The following SYNE2 variants were observed in gnomAD, a reference collection of about 807,000 sequenced individuals.
SYNE2 encodes spectrin repeat containing nuclear envelope protein 2.
In SYNE2, 431 loss-of-function variants were observed where a neutral mutation model predicts 856.3. The observed-to-expected ratio is 0.50, with a 90% CI of 0.47 to 0.55. SYNE2 has a LOEUF of 0.55. Among genes scored for constraint, SYNE2 ranks in the 20% least tolerant of loss-of-function variants. The pLI is 0.00. For missense variants in SYNE2, 8,129 were observed against 8,023.2 expected (o/e 1.01, Z -0.50); for synonymous variants, 2,923 against 2,872.3 (o/e 1.02, Z -0.56).
chr14:64,141,859 C>T, intron 81 of SYNE2, 83 bp from the exon 82 acceptor site: 1 of 1,378,300 alleles, frequency 7.3e-7, no homozygotes, highest in Middle Eastern at 2.0e-4. Context: ...GACCTTTTAT[C>T]AAACCAGATA....
At position 64,161,995 on chromosome 14, in the gene SYNE2, G is replaced by A. The variant is rs1160899181; in HGVS notation, c.16095-77G>A. On this transcript the variant is annotated intron_variant, in intron 87 of 115. Transcript: ENST00000555002. ...TGATCCATCTGCTAGTAACTTACCA[G>A]TAGAGTGTGTGCATTGTACTTTCGC... 24 of 1,527,612 alleles carry A rather than the reference G, an allele frequency of 1.6e-5. No individual in the cohort carries two copies. In the South Asian group the frequency reaches 2.4e-4, roughly 15 times the overall value. The allele number at this position is 1,527,612 out of a possible 1,614,324, so 94.6% of individuals were successfully genotyped here.
In SYNE2 at chr14:64,070,779, G is replaced by T. The variant is rs760851754; in HGVS notation, c.10566G>T (p.Glu3522Asp). Residue 3522 changes from glutamate to aspartate, a missense_variant, in exon 52 of 116, where the codon GAG becomes GAT. Coordinates refer to ENST00000555002, the MANE Select transcript of SYNE2 (RefSeq NM_182914.3). ...DCLCQYGENV[E>D]KQQLLLTLLL... ...TATGCCAATATGGAGAGAACGTGGA[G>T]AAGCAACAGCTGTTACTGACTCTAC... is the stretch of plus-strand genomic sequence containing the variant. The T allele has an allele frequency of 2.5e-6, 4 of 1,614,206 alleles. No individual in the cohort carries two copies. The Admixed American group carries it at 6.7e-5, about 27-fold the overall frequency.
rs908722693 is a variant in SYNE2, at chr14:64,074,047, A to G, written c.10777A>G (p.Ile3593Val). The G allele has an allele frequency of 1.2e-6, 2 of 1,614,084 alleles. No homozygotes were observed. Among genetic ancestry groups the G allele is most frequent in the African/African-American group, 2.7e-5 (2 of 74,960 alleles). ...AAGACATTCCTTCACAAAAGAGATA[A>G]TTGCTTTGAAGAATTTCTTTCAACA... ...QERHSFTKEIIALKNFFQQTT... is the reference protein window; with the variant it reads ...QERHSFTKEIVALKNFFQQTT... Residue 3593 changes from isoleucine to valine, a missense_variant, in exon 53 of 116, where the codon ATT becomes GTT. By Grantham distance (29) the Ile-to-Val change is conservative. This residue lies in a region of SYNE2 where 5,410 missense variants were observed against 5,284.8 expected (regional missense o/e 1.02). Transcript: ENST00000555002.
intron 1 of SYNE2, among the ~76,000 whole-genome samples, chr14:63,827,349 G>C (rs1367576131): frequency 1.3e-5 from 2 of 151,594 alleles, no homozygotes; most frequent in African/African-American, 4.8e-5. Flanking sequence ...TGCAGGCCGG[G>C]CGCGGTGGCT....
chr14:63,832,814 A>C (rs1889716817), intron 1 of SYNE2, among the ~76,000 whole-genome samples: 1 of 148,400 alleles, frequency 6.7e-6, no homozygotes, highest in South Asian at 2.2e-4. Flanking sequence ...GGTTAGCTTG[A>C]ACCCAGGAGT....
intron 55 of SYNE2, among the ~76,000 whole-genome samples, chr14:64,080,210 G>C (rs951846650): frequency 6.6e-6 from 1 of 152,054 alleles, no homozygotes; most frequent in African/African-American, 2.4e-5. Flanking sequence ...AAAATGTCCA[G>C]GTCTTTCTGT....
At chr14:64,041,571 A>G (rs1390314159) in intron 45 of SYNE2, among the ~76,000 whole-genome samples, 4 of 152,260 alleles carry the variant, frequency 2.6e-5, no homozygotes, top group African/African-American at 9.6e-5. Flanking sequence ...AGCTCAGGCC[A>G]GGTGCTCTGG....
rs552870003 is a variant in SYNE2, at chr14:64,017,446, T to A, written c.4888-149T>A. The A allele has an allele frequency of 2.2e-5, 14 of 634,196 alleles. No individual in the cohort carries two copies. The South Asian group carries it at 2.7e-4, about 12-fold the overall frequency. The allele number at this position is 634,196 out of a possible 1,614,324, so 39.3% of individuals were successfully genotyped here. On this transcript the variant is annotated intron_variant, in intron 33 of 115. Coordinates refer to ENST00000555002, the MANE Select transcript of SYNE2 (RefSeq NM_182914.3). ...TTTTTTAAGAGAAAGAACTACATGA[T>A]ATGTTAAAGCAAATTTTTGTTGATG...
Position 64,024,241 on chromosome 14 carries a change from T to C in SYNE2, c.5638-16T>C, listed in dbSNP as rs1338413302. The C allele has an allele frequency of 1.5e-5, 24 of 1,613,098 alleles. No individual in the cohort carries two copies. Among genetic ancestry groups the C allele is most frequent in the Non-Finnish European group, 2.0e-5 (24 of 1,179,556 alleles). On this transcript the variant is annotated splice_polypyrimidine_tract_variant and intron_variant, in intron 38 of 115. Coordinates refer to ENST00000555002, the MANE Select transcript of SYNE2 (RefSeq NM_182914.3). ...ACTTGCCAGGAGATTGTAATGGACT[T>C]TTTGTCTTTCTGAAGGATTTCTTGA...
At chr14:64,163,890 A>G (rs1048110797) in intron 89 of SYNE2, among the ~76,000 whole-genome samples, 2 of 152,148 alleles carry the variant, frequency 1.3e-5, no homozygotes, top group Non-Finnish European at 2.9e-5. Context: ...TGCTTAAAGC[A>G]TGATGATTTG....
chr14:64,122,475 T>C, intron 70 of SYNE2, 48 bp downstream of exon 70: 9 of 1,612,692 alleles, frequency 5.6e-6, no homozygotes, highest in Non-Finnish European at 6.8e-6. Flanking sequence ...TCTTTGAAAA[T>C]CCAACAAGCA....
rs148791608 is a variant in SYNE2, at chr14:64,224,540, G to A, written c.20462G>A (p.Arg6821Gln). Residue 6821 changes from arginine to glutamine, a missense_variant, in exon 114 of 116, where the codon CGA becomes CAA. Arg to Gln is a conservative substitution (Grantham distance 43). This residue lies in a region of SYNE2 where 5,410 missense variants were observed against 5,284.8 expected (regional missense o/e 1.02). Transcript: ENST00000555002. ...CCTGCAACATCCGTGCCAGCTCCCC[G>A]AGCAAAGGTAAGAAGCCCCTTCCTT... ...QPPATSVPAP[R>Q]AKFRAVRTTE... The A allele has an allele frequency of 7.4e-5, 119 of 1,613,908 alleles. No individual in the cohort carries two copies. The highest frequency in any genetic ancestry group is 8.0e-5 in the African/African-American group (6 of 74,870).
Position 64,024,974 on chromosome 14 carries a change from G to C in SYNE2, c.5903G>C (p.Gly1968Ala). Residue 1968 changes from glycine to alanine, a missense_variant, in exon 40 of 116, where the codon GGA (glycine) becomes GCA (alanine). Gly to Ala is a moderately conservative substitution (Grantham distance 60). Around this residue, in one of 3 missense-constraint regions of SYNE2, gnomAD observed 2,422 missense variants for 2,357.4 expected, o/e 1.03. Transcript: ENST00000555002. ...ACTAATCAAGAAGAGAAATGGAAAG[G>C]AATGGAAGAACCAGGGGAGAAAACT... ...WLTNQEEKWK[G>A]MEEPGEKTEL... 6.2e-7 allele frequency: 1 copy of C among 1,613,994 alleles called. No homozygotes were observed.
chr14:63,963,135 T>G (rs1329124377), intron 9 of SYNE2, among the ~76,000 whole-genome samples: 3 of 152,238 alleles, frequency 2.0e-5, no homozygotes, highest in African/African-American at 7.2e-5. Flanking sequence ...TAAGCCAGAT[T>G]GTTGCTGACT....
At position 64,187,342 on chromosome 14, in the gene SYNE2, G is replaced by A. The variant is rs138503230; in HGVS notation, c.17712+763G>A. ...GATTTTAGTATTTAATATTCACAAT[G>A]TACCCTAATTTTAAATGTTCTTTTA... On this transcript the variant is annotated intron_variant, in intron 97 of 115. Transcript: ENST00000555002. Among the ~76,000 whole-genome samples the A allele has an allele frequency of 9.9e-5, 15 of 152,232 alleles. No individual in the cohort carries two copies. The East Asian group carries it at 2.9e-3, about 29-fold the overall frequency.
chr14:64,208,014 T>G (rs1005669318), intron 100 of SYNE2: 7 of 456,094 alleles, frequency 1.5e-5, no homozygotes, highest in Admixed American at 9.4e-5. Context: ...ATGCCATGTT[T>G]ATTCGTGAAG....
chr14:63,914,687 T>G lies in SYNE2; in HGVS notation c.79+5460T>G, dbSNP rs575810514. On this transcript the variant is annotated intron_variant, in intron 2 of 115. Coordinates refer to ENST00000555002, the MANE Select transcript of SYNE2 (RefSeq NM_182914.3). ...TTTGCAACTGTAAATATGGGTAAGG[T>G]AGAAAGGCTCCAAGGTTTTGAAGTT... 4.1e-4 allele frequency among the ~76,000 whole-genome samples: 63 copies of G among 152,324 alleles called. 1 individual carries two copies. The highest frequency in any genetic ancestry group is 1.4e-3 in the African/African-American group (59 of 41,576).
At position 63,940,549 on chromosome 14, in the gene SYNE2, C is replaced by G. The variant is rs1442449019; in HGVS notation, c.80-65C>G. The G allele has an allele frequency of 2.1e-6, 3 of 1,460,210 alleles. No individual in the cohort carries two copies. In the African/African-American group the frequency reaches 4.2e-5, roughly 20 times the overall value. 90.5% of individuals were successfully genotyped at this position (1,460,210 alleles called of 1,614,324 possible). A position where few individuals can be genotyped will look rare whatever the true frequency, so the allele number is the denominator to read the frequency against. On this transcript the variant is annotated intron_variant, in intron 2 of 115. Coordinates refer to ENST00000555002, the MANE Select transcript of SYNE2 (RefSeq NM_182914.3). The stretch of plus-strand genomic sequence containing the variant: ...CCTAGCGTGACAGACCTTTGAAGCT[C>G]TGATATGTGCAGGAGGTTTCTGAGG...
intron 45 of SYNE2, among the ~76,000 whole-genome samples, chr14:64,047,248 C>A (rs915958963): frequency 2.6e-5 from 4 of 152,150 alleles, no homozygotes. Context: ...CCTCCTCTAC[C>A]GACTGAGTCT....
Sources: gnomAD v4.1 joint callset for allele counts (sites outside exome capture counted in the v4.1 genomes callset) on GRCh38, gnomAD v4.1.1 for gene constraint, gnomAD v4.1.1 regional missense constraint, MANE v1.5 for transcripts, NCBI Gene and HGNC (gene_info 2026-07-23, HGNC 2026-07-21) for gene names.